Variants in DOCK10 observed in about 807,000 individuals in gnomAD.
DOCK10 encodes the protein dedicator of cytokinesis 10, also known as dedicator of cytokinesis protein 10.
A neutral mutation model predicts 280.1 loss-of-function variants in DOCK10; 145 were observed. The ratio of observed to expected loss-of-function variants is 0.52; its 90% CI spans 0.45 to 0.59. The LOEUF (loss-of-function observed/expected upper bound fraction) is 0.59. Ranked by LOEUF, DOCK10 falls within the 20% of genes least tolerant of loss-of-function variation. The pLI is 0.00. For missense variants in DOCK10, 2,368 were observed against 2,651.7 expected (o/e 0.89, Z 2.35); for synonymous variants, 915 against 942.2 (o/e 0.97, Z 0.53).
chr2:224,914,258 G>T (rs564894720), intron 3 of DOCK10, among the ~76,000 whole-genome samples: 1 of 152,126 alleles, frequency 6.6e-6, no homozygotes, highest in Admixed American at 6.5e-5. Flanking sequence ...TTGTTTCACT[G>T]GTTTATTTGT....
At chr2:224,902,466 T>C (rs535015965) in intron 3 of DOCK10, among the ~76,000 whole-genome samples, 2 of 152,318 alleles carry the variant, frequency 1.3e-5, no homozygotes, top group Admixed American at 1.3e-4. Flanking sequence ...AGTTGAGAAG[T>C]AATTGTGGCT....
chr2:224,868,514 C>A (rs1381771624), intron 11 of DOCK10, among the ~76,000 whole-genome samples: 1 of 151,982 alleles, frequency 6.6e-6, no homozygotes, highest in Non-Finnish European at 1.5e-5. Context: ...AGTGAAACAC[C>A]CTATTGTGAT....
intron 1 of DOCK10, among the ~76,000 whole-genome samples, chr2:224,973,880 G>A (rs1705239974): frequency 6.6e-6 from 1 of 152,176 alleles, no homozygotes; most frequent in South Asian, 2.1e-4. Flanking sequence ...GCAATGCAAT[G>A]TAAATCAGGG....
At position 225,042,232 on chromosome 2, in the gene DOCK10, G is replaced by T; in HGVS notation, c.123+20C>A. Reference sequence around the variant, plus strand: ...GCGCCTGGGGCGCGCGGGAAGGCGCGGAGGACGCGCCGCACTCACCCGCTG... The same window carrying T: ...GCGCCTGGGGCGCGCGGGAAGGCGCTGAGGACGCGCCGCACTCACCCGCTG... On this transcript the variant is annotated intron_variant, in intron 1 of 55. Coordinates refer to ENST00000258390, the MANE Select transcript of DOCK10 (RefSeq NM_014689.3). The surrounding 1 kb of genome is among the most constrained non-coding windows in gnomAD (Gnocchi z 5.1). 8.0e-7 allele frequency: 1 copy of T among 1,248,080 alleles called. No homozygotes were observed. The highest frequency in any genetic ancestry group is 1.6e-5 in the African/African-American group (1 of 64,098). The allele number at this position is 1,248,080 out of a possible 1,614,324, so 77.3% of individuals were successfully genotyped here.
At chr2:224,845,172 T>C (rs1696255550) in intron 21 of DOCK10, 31 bp downstream of exon 21, 7 of 1,551,096 alleles carry the variant, frequency 4.5e-6, no homozygotes, top group Non-Finnish European at 6.1e-6. Context: ...GTGTGCTTTT[T>C]TAAAATCTTA....
intron 1 of DOCK10, among the ~76,000 whole-genome samples, chr2:225,007,223 T>C (rs1318718065): frequency 6.6e-6 from 1 of 152,158 alleles, no homozygotes; most frequent in Non-Finnish European, 1.5e-5. Context: ...GATGAGAAGA[T>C]TGTATGAGTT....
intron 1 of DOCK10, among the ~76,000 whole-genome samples, chr2:225,024,066 C>A (rs1689854288): frequency 6.6e-6 from 1 of 152,204 alleles, no homozygotes; most frequent in African/African-American, 2.4e-5. Flanking sequence ...CAGCTTAAAT[C>A]CAACCATGAG....
chr2:225,008,947 A>G (rs1327610747), intron 1 of DOCK10, among the ~76,000 whole-genome samples: 2 of 152,288 alleles, frequency 1.3e-5, no homozygotes, highest in East Asian at 1.9e-4. Flanking sequence ...TTTGCCATAA[A>G]TCTCAAGCCA....
chr2:224,923,155 TG>T (rs1701863214), intron 2 of DOCK10, among the ~76,000 whole-genome samples: 1 of 152,240 alleles, frequency 6.6e-6, no homozygotes, highest in South Asian at 2.1e-4. Context: ...AGGCCCTTCT[TG>T]TTTTGCTGGG....
intron 1 of DOCK10, among the ~76,000 whole-genome samples, chr2:225,008,046 T>A (rs1689324794): frequency 6.6e-6 from 1 of 151,338 alleles, no homozygotes; most frequent in African/African-American, 2.4e-5. Context: ...CCCAAAGGAG[T>A]AGAGTTAAAG....
chr2:225,015,234 T>C (rs1384605028), intron 1 of DOCK10, among the ~76,000 whole-genome samples: 1 of 152,210 alleles, frequency 6.6e-6, no homozygotes, highest in Non-Finnish European at 1.5e-5. Flanking sequence ...CTTTTCCTTG[T>C]ATTCTTTCCA....
At chr2:224,768,385 T>A (rs1690199117) in intron 55 of DOCK10, among the ~76,000 whole-genome samples, 1 of 152,214 alleles carries the variant, frequency 6.6e-6, no homozygotes, top group African/African-American at 2.4e-5. Context: ...AGGTGTATAT[T>A]TCCTGTGGAC....
intron 2 of DOCK10, among the ~76,000 whole-genome samples, chr2:224,924,843 G>A (rs1430015629): frequency 6.6e-6 from 1 of 152,148 alleles, no homozygotes; most frequent in African/African-American, 2.4e-5. Flanking sequence ...CCCAACTTGT[G>A]TGCCTTTTTT....
chr2:224,854,043 C>A (rs1296474349), intron 16 of DOCK10, among the ~76,000 whole-genome samples: 1 of 152,054 alleles, frequency 6.6e-6, no homozygotes, highest in African/African-American at 2.4e-5. Flanking sequence ...TTTTTCACAC[C>A]AATCAATATA....
At chr2:224,941,218 A>G (rs1479959088) in intron 1 of DOCK10, among the ~76,000 whole-genome samples, 1 of 147,232 alleles carries the variant, frequency 6.8e-6, no homozygotes, top group African/African-American at 2.5e-5. Context: ...TTTTTAGATG[A>G]GTAAGCTTGG....
chr2:224,945,299 G>A (rs1212935386), intron 1 of DOCK10, among the ~76,000 whole-genome samples: 1 of 152,182 alleles, frequency 6.6e-6, no homozygotes, highest in Non-Finnish European at 1.5e-5. Flanking sequence ...TTTGGAGTCA[G>A]TAGGGAAGAT....
intron 1 of DOCK10, among the ~76,000 whole-genome samples, chr2:224,950,599 A>G (rs1703674708): frequency 6.6e-6 from 1 of 152,200 alleles, no homozygotes; most frequent in Non-Finnish European, 1.5e-5. Context: ...TGAGGGAAAA[A>G]GGGTGGTAAG....
At chr2:224,886,344 C>T (rs1399090999) in intron 5 of DOCK10, 115 bp downstream of exon 5, 23 of 1,439,292 alleles carry the variant, frequency 1.6e-5, no homozygotes, top group Non-Finnish European at 2.2e-5. Flanking sequence ...AAAAGCCCTA[C>T]CACCAACAGC....
intron 1 of DOCK10, among the ~76,000 whole-genome samples, chr2:224,997,868 C>T (rs1031267476): frequency 6.6e-6 from 1 of 152,132 alleles, no homozygotes; most frequent in African/African-American, 2.4e-5. Flanking sequence ...AAGGCAGACT[C>T]GCAGAGGGAA....
Sources: allele counts gnomAD v4.1 joint callset (sites outside exome capture counted in the v4.1 genomes callset), GRCh38; gene constraint gnomAD v4.1.1; non-coding constraint Gnocchi (gnomAD v3.1); transcripts MANE v1.5; gene names NCBI Gene and HGNC (gene_info 2026-07-23, HGNC 2026-07-21).